GPR39: variants seen among roughly 807,000 people sequenced by gnomAD.
GPR39 encodes zinc sensing receptor.
GPR39 carries 23 observed loss-of-function variants against 18.4 expected under a neutral mutation model. The observed-to-expected ratio is 1.25, with a 90% CI of 0.90 to 1.77. The LOEUF (loss-of-function observed/expected upper bound fraction) is 1.77, where lower values mean the gene tolerates loss of function less well. Ranked by LOEUF, GPR39 falls within the 40% of genes most tolerant of loss-of-function variation. The pLI, the probability that GPR39 is intolerant of heterozygous loss-of-function variation, is 0.00. For synonymous variants in GPR39, 280 were observed against 257.9 expected, an observed-to-expected ratio of 1.09 and a Z score of -0.82; for missense variants, 647 against 602.4, an observed-to-expected ratio of 1.07 and a Z score of -0.78.
intron 1 of GPR39, among the ~76,000 whole-genome samples, chr2:132,515,034 C>G (rs924447134): frequency 6.6e-6 from 1 of 152,162 alleles, no homozygotes. Flanking sequence ...ACAAAACAAA[C>G]CTCAAGTTCC....
rs1010431875 is a variant in GPR39 at position 132,492,780 on chromosome 2, A to T, written c.856+74882A>T. ...CCATATATATACATTCCATATATATACCATATATATACCATATATACCATA... is the reference window on the plus strand; with the variant it reads ...CCATATATATACATTCCATATATATTCCATATATATACCATATATACCATA... On this transcript the variant is annotated intron_variant, in intron 1 of 1. Coordinates refer to ENST00000329321, the MANE Select transcript of GPR39 (RefSeq NM_001508.3). Among the ~76,000 whole-genome samples, 180 of 21,492 alleles carry T rather than the reference A, an allele frequency of 8.4e-3. 2 individuals carry two copies. The highest frequency in any genetic ancestry group is 0.021 in the Non-Finnish European group (123 of 5,744). 14.1% of individuals were successfully genotyped at this position (21,492 alleles called of 152,430 possible). A position where few individuals can be genotyped will look rare whatever the true frequency, so the allele number is the denominator to read the frequency against.
intron 1 of GPR39, among the ~76,000 whole-genome samples, chr2:132,546,905 G>A (rs1339145587): frequency 6.8e-6 from 1 of 147,392 alleles, no homozygotes; most frequent in Non-Finnish European, 1.5e-5. Context: ...GGGAGGGAAG[G>A]AGGAAAGGGC....
chr2:132,601,273 T>C (rs891385026), intron 1 of GPR39, among the ~76,000 whole-genome samples: 1 of 152,074 alleles, frequency 6.6e-6, no homozygotes. Flanking sequence ...CCTGATCAAA[T>C]GGGATTCATT....
intron 1 of GPR39, chr2:132,488,528 G>A (rs951743871): frequency 6.5e-6 from 1 of 153,732 alleles, no homozygotes; most frequent in African/African-American, 2.4e-5. Flanking sequence ...AAATGGAGTG[G>A]TGGTGGAGAT....
rs182581636 is a variant in GPR39, at chr2:132,530,073, C to T, written c.856+112175C>T. On this transcript the variant is annotated intron_variant, in intron 1 of 1. Transcript: ENST00000329321. Reference sequence around the variant, plus strand: ...CTACTCTGAGCTAAAGGAGGAAGTTCGAACCAATGGCAAAGAAGTTAAAAA... The same window carrying T: ...CTACTCTGAGCTAAAGGAGGAAGTTTGAACCAATGGCAAAGAAGTTAAAAA... Among the ~76,000 whole-genome samples the T allele has an allele frequency of 6.6e-5, 10 of 151,854 alleles. No individual in the cohort carries two copies. The East Asian group carries it at 9.7e-4, about 15-fold the overall frequency.
chr2:132,492,676 A>C (rs958666374), intron 1 of GPR39, among the ~76,000 whole-genome samples: 35 of 138,658 alleles, frequency 2.5e-4, no homozygotes, highest in Non-Finnish European at 4.4e-4. Context: ...ATATATATAT[A>C]ATATATATAC....
At chr2:132,547,046 T>G (rs1573659296) in intron 1 of GPR39, among the ~76,000 whole-genome samples, 1 of 151,938 alleles carries the variant, frequency 6.6e-6, no homozygotes, top group African/African-American at 2.4e-5. Context: ...TTTCCTATTT[T>G]CCGTTGCCTC....
At chr2:132,493,524 A>G (rs1425455538) in intron 1 of GPR39, among the ~76,000 whole-genome samples, 9 of 143,330 alleles carry the variant, frequency 6.3e-5, no homozygotes, top group Admixed American at 2.8e-4. Context: ...ATATATATAT[A>G]TATACACACA....
chr2:132,541,700 C>T (rs1573656437), intron 1 of GPR39, among the ~76,000 whole-genome samples: 1 of 152,142 alleles, frequency 6.6e-6, no homozygotes, highest in African/African-American at 2.4e-5. Flanking sequence ...CATTGATTGC[C>T]ACGGCCCCCT....
intron 1 of GPR39, among the ~76,000 whole-genome samples, chr2:132,500,499 T>G (rs1244079647): frequency 6.6e-6 from 1 of 152,182 alleles, no homozygotes; most frequent in Non-Finnish European, 1.5e-5. Flanking sequence ...TGTTGAGGAT[T>G]TTTGCATCTG....
chr2:132,542,706 T>C (rs998906073), intron 1 of GPR39, among the ~76,000 whole-genome samples: 1 of 106,384 alleles, frequency 9.4e-6, no homozygotes, highest in African/African-American at 4.4e-5. Context: ...TATAATAACA[T>C]CAAAAAATCA....
At chr2:132,534,603 T>G (rs1353636229) in intron 1 of GPR39, among the ~76,000 whole-genome samples, 2 of 151,238 alleles carry the variant, frequency 1.3e-5, no homozygotes, top group East Asian at 2.0e-4. Flanking sequence ...TGTCCAACAA[T>G]GATAGACTGG....
At chr2:132,583,164 C>G (rs1397208032) in intron 1 of GPR39, among the ~76,000 whole-genome samples, 1 of 152,092 alleles carries the variant, frequency 6.6e-6, no homozygotes, top group Non-Finnish European at 1.5e-5. Flanking sequence ...CCTCCTTCCT[C>G]AGCCTTCCAA....
chr2:132,474,475 T>A (rs969904723), intron 1 of GPR39, among the ~76,000 whole-genome samples: 1 of 152,180 alleles, frequency 6.6e-6, no homozygotes, highest in African/African-American at 2.4e-5. Flanking sequence ...TGAGCTGACT[T>A]ACGTCTGGAA....
intron 1 of GPR39, among the ~76,000 whole-genome samples, chr2:132,479,701 G>T (rs779463724): frequency 6.6e-6 from 1 of 152,182 alleles, no homozygotes; most frequent in Non-Finnish European, 1.5e-5. Flanking sequence ...CCAGAAAATA[G>T]CAAGTGTTGG....
intron 1 of GPR39, among the ~76,000 whole-genome samples, chr2:132,592,341 A>G (rs997645935): frequency 2.0e-5 from 3 of 152,210 alleles, no homozygotes; most frequent in Non-Finnish European, 2.9e-5. Flanking sequence ...ACCTAGGGGA[A>G]GAGAATTCCA....
intron 1 of GPR39, among the ~76,000 whole-genome samples, chr2:132,448,249 T>G (rs1382596946): frequency 1.3e-5 from 2 of 152,164 alleles, no homozygotes; most frequent in African/African-American, 4.8e-5. Flanking sequence ...ATGGTGCTAG[T>G]GATGACAATG....
chr2:132,520,527 T>C (rs1679403208), intron 1 of GPR39, among the ~76,000 whole-genome samples: 1 of 152,232 alleles, frequency 6.6e-6, no homozygotes, highest in Non-Finnish European at 1.5e-5. Flanking sequence ...GAGATCAGCC[T>C]GGGCACTCAT....
chr2:132,500,700 A>G lies in GPR39; in HGVS notation c.856+82802A>G, dbSNP rs140603787. ...TCTGATAGAATTCAGCTGTGATTCT[A>G]TCTAGTCCTGGACTTTTTTTGTTGG... is the stretch of plus-strand genomic sequence containing the variant. On this transcript the variant is annotated intron_variant, in intron 1 of 1. Coordinates refer to ENST00000329321, the MANE Select transcript of GPR39 (RefSeq NM_001508.3). Among the ~76,000 whole-genome samples the G allele has an allele frequency of 3.0e-3, 461 of 152,216 alleles. 4 individuals are homozygous for G. Among genetic ancestry groups the G allele is most frequent in the Middle Eastern group, 3.4e-3 (1 of 294 alleles).
Sources: allele counts gnomAD v4.1 joint callset (sites outside exome capture counted in the v4.1 genomes callset), GRCh38; gene constraint gnomAD v4.1.1; transcripts MANE v1.5; gene names NCBI Gene and HGNC (gene_info 2026-07-23, HGNC 2026-07-21).